Variants in RBFOX3 observed in about 807,000 individuals in gnomAD.
The protein encoded by RBFOX3 is RNA binding fox-1 homolog 3.
Under a neutral mutation model 48.7 loss-of-function variants are expected in RBFOX3, and 17 were observed. The observed-to-expected ratio is 0.35, with a 90% CI of 0.24 to 0.52. RBFOX3 has a LOEUF of 0.52. RBFOX3 is among the 20% of genes least tolerant of loss of function. The pLI is 0.94. For synonymous variants in RBFOX3, 212 were observed against 209.5 expected (o/e 1.01, Z -0.10); for missense variants, 382 against 497.5 (o/e 0.77, Z 2.21).
chr17:79,227,851 G>A (rs1454003234), intron 4 of RBFOX3, among the ~76,000 whole-genome samples: 1 of 152,204 alleles, frequency 6.6e-6, no homozygotes, highest in Non-Finnish European at 1.5e-5. Flanking sequence ...GTCCTGAATT[G>A]TAGCCATCAC....
intron 4 of RBFOX3, among the ~76,000 whole-genome samples, chr17:79,233,154 A>G (rs1330866836): frequency 6.6e-6 from 1 of 152,254 alleles, no homozygotes; most frequent in Non-Finnish European, 1.5e-5. Context: ...CCAGCGTGGA[A>G]TACTACTTGG....
rs937699469 is a variant in RBFOX3 at position 79,479,029 on chromosome 17, G to A, written c.-175+3425C>T. 9.3e-4 allele frequency among the ~76,000 whole-genome samples: 141 copies of A among 152,280 alleles called. 1 individual carries two copies. Among genetic ancestry groups the A allele is most frequent in the Admixed American group, 7.6e-3 (117 of 15,310 alleles). Reference sequence around the variant, plus strand: ...CCTGCAGTGATGGGGAGTCTCGGTCGAAGGGCTCCTTGCCAAGGCCATTCC... The same window carrying A: ...CCTGCAGTGATGGGGAGTCTCGGTCAAAGGGCTCCTTGCCAAGGCCATTCC... On this transcript the variant is annotated intron_variant, in intron 2 of 14. Transcript: ENST00000693108. The surrounding 1 kb of genome is among the most constrained non-coding windows in gnomAD (Gnocchi z 5.1).
rs371391102 is a variant in RBFOX3, at chr17:79,115,315, C to T, written c.222+179G>A. 5.9e-5 allele frequency among the ~76,000 whole-genome samples: 9 copies of T among 152,310 alleles called. No individual in the cohort carries two copies. The East Asian group carries it at 7.7e-4, about 13-fold the overall frequency. ...GTCGAGCAGGGGCTGGAAATGCCTT[C>T]ACTGGGGGTGACTTCTGGCCCAGGA... On this transcript the variant is annotated intron_variant, in intron 5 of 14. Transcript: ENST00000693108.
At chr17:79,112,336 C>T (rs1231195256) in intron 5 of RBFOX3, among the ~76,000 whole-genome samples, 1 of 152,156 alleles carries the variant, frequency 6.6e-6, no homozygotes, top group Non-Finnish European at 1.5e-5. Context: ...AGGGGTGCAT[C>T]CCACCTGGGT....
chr17:79,476,655 AC>A (rs1305535909), intron 2 of RBFOX3, among the ~76,000 whole-genome samples: 3 of 152,162 alleles, frequency 2.0e-5, no homozygotes, highest in South Asian at 2.1e-4. Context: ...CTCCTCTCCG[AC>A]CCCTGTGAGG....
At chr17:79,264,554 C>T (rs1047843652) in intron 3 of RBFOX3, among the ~76,000 whole-genome samples, 9 of 152,156 alleles carry the variant, frequency 5.9e-5, no homozygotes, top group African/African-American at 2.2e-4. Context: ...CAGTGAGAAT[C>T]CATTTCTGTT....
chr17:79,635,820 A>G, the RBFOX3 span, among the ~76,000 whole-genome samples: 2 of 152,236 alleles, frequency 1.3e-5, no homozygotes, highest in Non-Finnish European at 1.5e-5. Flanking sequence ...ATAGGAAAAG[A>G]GGCTCCACCT....
chr17:79,621,715 C>T, the RBFOX3 span, among the ~76,000 whole-genome samples: 1 of 152,188 alleles, frequency 6.6e-6, no homozygotes, highest in Non-Finnish European at 1.5e-5. Flanking sequence ...GCCTGCAGGA[C>T]TCAGGGGCAC....
the RBFOX3 span, among the ~76,000 whole-genome samples, chr17:79,618,865 G>A: frequency 2.1e-4 from 32 of 152,240 alleles, no homozygotes; most frequent in South Asian, 5.8e-3. Flanking sequence ...GCAGGCCTGG[G>A]AGAGACGGGG....
At chr17:79,227,510 A>G (rs534373811) in intron 4 of RBFOX3, among the ~76,000 whole-genome samples, 1 of 152,152 alleles carries the variant, frequency 6.6e-6, no homozygotes, top group Non-Finnish European at 1.5e-5. Context: ...TGCACAGGAG[A>G]TGAGCAGGTC....
chr17:79,587,540 A>C (rs2093289648), intron 1 of RBFOX3, among the ~76,000 whole-genome samples: 3 of 152,358 alleles, frequency 2.0e-5, no homozygotes, highest in African/African-American at 7.2e-5. Context: ...GAGAATAAAC[A>C]GGGAACACCG....
chr17:79,150,211 G>C (rs912693872), intron 4 of RBFOX3, among the ~76,000 whole-genome samples: 32 of 151,976 alleles, frequency 2.1e-4, no homozygotes, highest in African/African-American at 7.7e-4. Flanking sequence ...CCACGACCTA[G>C]AGCAGCAGCC....
At chr17:79,178,806 G>T (rs1599833010) in intron 4 of RBFOX3, among the ~76,000 whole-genome samples, 1 of 152,216 alleles carries the variant, frequency 6.6e-6, no homozygotes, top group Non-Finnish European at 1.5e-5. Flanking sequence ...CGCTGCGTGG[G>T]TTCATTCAGA....
At position 79,418,602 on chromosome 17, in the gene RBFOX3, T is replaced by C. The variant is rs1481752215; in HGVS notation, c.-175+63852A>G. 1.3e-5 allele frequency among the ~76,000 whole-genome samples: 2 copies of C among 152,192 alleles called. No homozygotes were observed. Among genetic ancestry groups the C allele is most frequent in the Non-Finnish European group, 1.5e-5 (1 of 68,034 alleles). Reference sequence around the variant, plus strand: ...GGGCAGCATCCCAGCTCAGGGATGCTTCTTGGCAAGGAGGTCTGGGAGAAA... The same window carrying C: ...GGGCAGCATCCCAGCTCAGGGATGCCTCTTGGCAAGGAGGTCTGGGAGAAA... On this transcript the variant is annotated intron_variant, in intron 2 of 14. Coordinates refer to ENST00000693108, the MANE Select transcript of RBFOX3 (RefSeq NM_001350451.2). This position sits in a 1 kb window ranked among gnomAD's most constrained non-coding sequence, Gnocchi z 5.0.
Position 79,195,193 on chromosome 17 carries a change from C to A in RBFOX3, c.-34+40573G>T, listed in dbSNP as rs4789953. Among the ~76,000 whole-genome samples the A allele has an allele frequency of 0.62, 94,849 of 151,912 alleles. 30,514 individuals carry two copies. The highest frequency in any genetic ancestry group is 0.75 in the Middle Eastern group (220 of 294). The stretch of plus-strand genomic sequence containing the variant: ...GGTGGATCACCTGAGGTCAGGAGTT[C>A]GAGACCAGCCTGGTCAACATGGTGA... On this transcript the variant is annotated intron_variant, in intron 4 of 14. Coordinates refer to ENST00000693108, the MANE Select transcript of RBFOX3 (RefSeq NM_001350451.2). The surrounding 1 kb of genome is among the most constrained non-coding windows in gnomAD (Gnocchi z 5.3).
At chr17:79,104,238 C>T (rs1458148246) in intron 6 of RBFOX3, 112 bp from the exon 7 acceptor site, 15 of 982,676 alleles carry the variant, frequency 1.5e-5, no homozygotes, top group East Asian at 2.6e-5. Context: ...GCTCTGCCCT[C>T]GGCCCCCAGC....
At chr17:79,313,237 G>GGGTAGGGCA (rs1331182227) in intron 2 of RBFOX3, among the ~76,000 whole-genome samples, 3 of 152,180 alleles carry the variant, frequency 2.0e-5, no homozygotes, top group Admixed American at 1.3e-4. Flanking sequence ...ATTATCAAAG[G>GGGTAGGGCA]GGTAGGGCAG....
At chr17:79,508,176 G>A (rs965890001) in intron 1 of RBFOX3, among the ~76,000 whole-genome samples, 4 of 152,226 alleles carry the variant, frequency 2.6e-5, no homozygotes, top group African/African-American at 9.6e-5. Flanking sequence ...CAGCCCCTGC[G>A]CTCGCTGGCC....
Position 79,482,967 on chromosome 17 carries a change from C to T in RBFOX3, c.-319-369G>A, listed in dbSNP as rs1032042824. Among the ~76,000 whole-genome samples the T allele has an allele frequency of 2.0e-5, 3 of 151,708 alleles. No homozygotes were observed. Among genetic ancestry groups the T allele is most frequent in the African/African-American group, 7.3e-5 (3 of 41,282 alleles). On this transcript the variant is annotated intron_variant, in intron 1 of 14. Coordinates refer to ENST00000693108, the MANE Select transcript of RBFOX3 (RefSeq NM_001350451.2). This position sits in a 1 kb window ranked among gnomAD's most constrained non-coding sequence, Gnocchi z 4.1. The stretch of plus-strand genomic sequence containing the variant: ...ATCGCCTTTCCCACTACCGCCCGCT[C>T]TTGCTTCCTCCCCCACCCAGCCTAG...
Sources: allele counts gnomAD v4.1 joint callset (sites outside exome capture counted in the v4.1 genomes callset), GRCh38; gene constraint gnomAD v4.1.1; non-coding constraint Gnocchi (gnomAD v3.1); transcripts MANE v1.5; gene names NCBI Gene and HGNC (gene_info 2026-07-23, HGNC 2026-07-21).